The following TMEM132D variants were observed in gnomAD, a reference collection of about 807,000 sequenced individuals.
TMEM132D encodes mature OL transmembrane protein.
A neutral mutation model predicts 62.3 loss-of-function variants in TMEM132D; 21 were observed. The observed-to-expected ratio is 0.34, with a 90% CI of 0.24 to 0.49. The LOEUF (loss-of-function observed/expected upper bound fraction) is 0.49, where lower values mean the gene tolerates loss of function less well. Among genes scored for constraint, TMEM132D ranks in the 20% least tolerant of loss-of-function variants. The probability of loss-of-function intolerance (pLI) is 0.99; values close to 1 mark genes in which losing one functional copy is unlikely to be tolerated. For synonymous variants in TMEM132D, 621 were observed against 575.6 expected (o/e 1.08, Z -1.13); for missense variants, 1,346 against 1,402.8 (o/e 0.96, Z 0.65).
rs1251316097 is a variant in TMEM132D, at chr12:129,074,386, G to T, written c.2789C>A (p.Ala930Asp). 1.2e-6 allele frequency: 2 copies of T among 1,613,852 alleles called. No individual in the cohort carries two copies. Among genetic ancestry groups the T allele is most frequent in the African/African-American group, 2.7e-5 (2 of 74,836 alleles). The change falls in exon 9 of 9, where the codon GCC becomes GAC. Residue 930 changes from alanine (A) to aspartate (D), a missense_variant. By Grantham distance (126) the Ala-to-Asp change is moderately radical (BLOSUM62 -2). Transcript: ENST00000422113. Reference protein sequence around the residue: ...MYALLGVFCLAILVFLINCVT... With the variant: ...MYALLGVFCLDILVFLINCVT... Reference sequence around the variant, plus strand: ...ACAGTTTATCAAGAAGACCAAAATGGCCAAACAGAAGACTCCCAACAAAGC... The same window carrying T: ...ACAGTTTATCAAGAAGACCAAAATGTCCAAACAGAAGACTCCCAACAAAGC...
intron 2 of TMEM132D, among the ~76,000 whole-genome samples, chr12:129,628,630 C>G (rs1027897288): frequency 1.3e-5 from 2 of 152,116 alleles, no homozygotes; most frequent in African/African-American, 4.8e-5. Context: ...ATTGCCTCAT[C>G]GGGGAATCAT....
chr12:129,713,757 T>C (rs1425288769), intron 1 of TMEM132D, among the ~76,000 whole-genome samples: 1 of 152,212 alleles, frequency 6.6e-6, no homozygotes, highest in Non-Finnish European at 1.5e-5. Context: ...TCTCCAACAT[T>C]GGCCTACATG....
chr12:129,800,636 C>A lies in TMEM132D; in HGVS notation c.80-99938G>T, dbSNP rs118185361. ...AACAAAACATCCCTCCCTCCGAGCA[C>A]CTTTGCTCCCAAACGTCACTGCAGG... On this transcript the variant is annotated intron_variant, in intron 1 of 8. Transcript: ENST00000422113. Among the ~76,000 whole-genome samples the A allele has an allele frequency of 1.5e-3, 228 of 152,286 alleles. 5 individuals are homozygous for A. In the South Asian group the frequency reaches 0.022, roughly 15 times the overall value.
At chr12:129,269,084 G>A (rs535373825) in intron 4 of TMEM132D, among the ~76,000 whole-genome samples, 1 of 151,862 alleles carries the variant, frequency 6.6e-6, no homozygotes, top group African/African-American at 2.4e-5. Context: ...ACGAGTTAAT[G>A]GGTGCAGCAC....
At chr12:129,824,031 C>T (rs1872599073) in intron 1 of TMEM132D, among the ~76,000 whole-genome samples, 1 of 152,106 alleles carries the variant, frequency 6.6e-6, no homozygotes, top group African/African-American at 2.4e-5. Context: ...CTGTGAGGGA[C>T]AGACACTCTA....
At chr12:129,408,105 A>G (rs1871851686) in intron 3 of TMEM132D, among the ~76,000 whole-genome samples, 1 of 152,066 alleles carries the variant, frequency 6.6e-6, no homozygotes, top group Non-Finnish European at 1.5e-5. Context: ...CTGGTTTAAT[A>G]TTAGGACCCA....
intron 3 of TMEM132D, among the ~76,000 whole-genome samples, chr12:129,462,667 T>G (rs1415332379): frequency 2.0e-5 from 3 of 152,216 alleles, no homozygotes; most frequent in Non-Finnish European, 4.4e-5. Flanking sequence ...TATTCCTCTT[T>G]GTTATACAGA....
chr12:129,275,288 TATAAA>T (rs1214662734), intron 4 of TMEM132D, among the ~76,000 whole-genome samples: 7 of 151,840 alleles, frequency 4.6e-5, no homozygotes. Flanking sequence ...CTCTAAAAAA[TATAAA>T]ATAAAATAAA....
At chr12:129,304,235 A>C (rs1475294552) in intron 4 of TMEM132D, among the ~76,000 whole-genome samples, 1 of 152,068 alleles carries the variant, frequency 6.6e-6, no homozygotes, top group Non-Finnish European at 1.5e-5. Context: ...TTGCCTGACA[A>C]CTCTACACTT....
intron 1 of TMEM132D, among the ~76,000 whole-genome samples, chr12:129,851,510 GC>G (rs1236884908): frequency 2.0e-5 from 3 of 152,116 alleles, no homozygotes; most frequent in African/African-American, 4.8e-5. Context: ...CATGCAAAGG[GC>G]TGTACAAAAG....
intron 3 of TMEM132D, among the ~76,000 whole-genome samples, chr12:129,420,856 C>T (rs7302108): frequency 0.71 from 107,004 of 151,728 alleles, 37,800 homozygotes; most frequent in East Asian, 0.76. Flanking sequence ...GTTTCCAATA[C>T]AATTGTTAGG....
chr12:129,134,079 G>A (rs1242135700), intron 5 of TMEM132D, among the ~76,000 whole-genome samples: 5 of 151,392 alleles, frequency 3.3e-5, no homozygotes, highest in Non-Finnish European at 5.9e-5. Flanking sequence ...TGTTGTGTGT[G>A]TGTGTTGTAT....
chr12:129,872,995 G>A (rs1874303444), intron 1 of TMEM132D, among the ~76,000 whole-genome samples: 1 of 152,158 alleles, frequency 6.6e-6, no homozygotes, highest in South Asian at 2.1e-4. Context: ...CATTCAGCGT[G>A]AAGAAGGCGG....
At chr12:129,741,088 T>C (rs1421711057) in intron 1 of TMEM132D, among the ~76,000 whole-genome samples, 2 of 152,228 alleles carry the variant, frequency 1.3e-5, no homozygotes, top group African/African-American at 2.4e-5. Flanking sequence ...ATGTCAAGTG[T>C]TCCCCATGTG....
At chr12:129,121,793 A>G (rs1052081987) in intron 5 of TMEM132D, among the ~76,000 whole-genome samples, 1 of 152,228 alleles carries the variant, frequency 6.6e-6, no homozygotes, top group Non-Finnish European at 1.5e-5. Context: ...GGACACATTT[A>G]TGTTGGTGGT....
At chr12:129,567,075 C>T (rs982806995) in intron 2 of TMEM132D, among the ~76,000 whole-genome samples, 4 of 152,212 alleles carry the variant, frequency 2.6e-5, no homozygotes, top group East Asian at 1.9e-4. Context: ...GTTCTCAAGA[C>T]GTCCTGGGGC....
At chr12:129,893,336 T>C (rs1400320585) in intron 1 of TMEM132D, among the ~76,000 whole-genome samples, 1 of 152,156 alleles carries the variant, frequency 6.6e-6, no homozygotes, top group Non-Finnish European at 1.5e-5. Context: ...TAAATGAGCA[T>C]TCGATCAATG....
chr12:129,087,470 G>A (rs1388375512), intron 5 of TMEM132D, among the ~76,000 whole-genome samples: 2 of 150,632 alleles, frequency 1.3e-5, no homozygotes, highest in Non-Finnish European at 2.9e-5. Context: ...GATTACTTGG[G>A]TGGGCCCTAA....
chr12:129,890,031 A>G (rs1442977438), intron 1 of TMEM132D, among the ~76,000 whole-genome samples: 1 of 152,236 alleles, frequency 6.6e-6, no homozygotes, highest in African/African-American at 2.4e-5. Flanking sequence ...CAAGGTCAAT[A>G]GTATCAAAAA....
Sources: gnomAD v4.1 joint callset for allele counts (sites outside exome capture counted in the v4.1 genomes callset) on GRCh38, gnomAD v4.1.1 for gene constraint, MANE v1.5 for transcripts, NCBI Gene and HGNC (gene_info 2026-07-23, HGNC 2026-07-21) for gene names.